Variants in ANK2 observed in about 807,000 individuals in gnomAD.
ANK2 encodes ankyrin-2.
ANK2 carries 83 observed loss-of-function variants against 360.5 expected under a neutral mutation model. That is an observed-to-expected ratio of 0.23 (90% CI 0.19 to 0.28). The LOEUF is 0.28. Among genes scored for constraint, ANK2 ranks in the 10% least tolerant of loss-of-function variants. The pLI is 1.00. For synonymous variants in ANK2, 1,740 were observed against 1,759.5 expected (o/e 0.99, Z 0.28); for missense variants, 4,201 against 4,795.7 (o/e 0.88, Z 3.66).
intron 23 of ANK2, among the ~76,000 whole-genome samples, chr4:113,310,214 G>C (rs529621974): frequency 6.6e-6 from 1 of 152,176 alleles, no homozygotes; most frequent in African/African-American, 2.4e-5. Context: ...CTTATTTTGA[G>C]TTGTATTTAT....
At chr4:112,712,407 T>TATATA in the ANK2 span, among the ~76,000 whole-genome samples, 11 of 42,804 alleles carry the variant, frequency 2.6e-4, no homozygotes, top group African/African-American at 6.5e-4. Context: ...TATATATATA[T>TATATA]TTTTTTTTTT....
rs531862251 is a variant in ANK2 at position 112,978,367 on chromosome 4, C to T, written c.21+73853C>T. Among the ~76,000 whole-genome samples, 19 of 152,248 alleles carry T rather than the reference C, an allele frequency of 1.2e-4. No individual in the cohort carries two copies. In the East Asian group the frequency reaches 3.7e-3, roughly 29 times the overall value. ...TAAGATATACTTAAAATAAAACTTC[C>T]TATAAGTGTACAGTGGATTAAGTAT... On this transcript the variant is annotated intron_variant, in intron 2 of 30. Transcript: ENST00000503271.
chr4:113,335,396 T>C (rs2093385226), intron 29 of ANK2, among the ~76,000 whole-genome samples: 1 of 152,184 alleles, frequency 6.6e-6, no homozygotes, highest in Non-Finnish European at 1.5e-5. Flanking sequence ...CAAAGGGCTA[T>C]GTTACTTCTT....
Position 112,967,006 on chromosome 4 carries a change from A to G in ANK2, c.21+62492A>G, listed in dbSNP as rs760075936. On this transcript the variant is annotated intron_variant, in intron 2 of 30. Transcript: ENST00000503271. ...ATAAGAGTGATTTTGGGGTGTCCTT[A>G]GGACACATTAAGCAGTTCAGAGTAG... 4.6e-5 allele frequency among the ~76,000 whole-genome samples: 7 copies of G among 152,200 alleles called. No individual in the cohort carries two copies. The South Asian group carries it at 6.2e-4, about 13-fold the overall frequency.
chr4:112,785,266 C>T, the ANK2 span, among the ~76,000 whole-genome samples: 1 of 152,086 alleles, frequency 6.6e-6, no homozygotes, highest in Non-Finnish European at 1.5e-5. Flanking sequence ...AATATGTGTG[C>T]CTCAGTTTGG....
the ANK2 span, among the ~76,000 whole-genome samples, chr4:112,804,088 G>A: frequency 3.3e-5 from 5 of 151,022 alleles, no homozygotes; most frequent in Admixed American, 1.3e-4. Context: ...GCGCGATCTC[G>A]GCTCACTGCA....
chr4:113,216,341 G>T (rs1207446181), intron 4 of ANK2, among the ~76,000 whole-genome samples: 1 of 152,204 alleles, frequency 6.6e-6, no homozygotes, highest in Non-Finnish European at 1.5e-5. Context: ...AGTTTATAAT[G>T]CCAGGAAGGG....
At chr4:112,964,442 G>A (rs1164573805) in intron 2 of ANK2, among the ~76,000 whole-genome samples, 1 of 151,574 alleles carries the variant, frequency 6.6e-6, no homozygotes, top group Admixed American at 6.6e-5. Context: ...TTGTCTTTCT[G>A]TGTATGACAT....
chr4:113,013,152 T>C (rs2055347155), intron 2 of ANK2, among the ~76,000 whole-genome samples: 1 of 152,174 alleles, frequency 6.6e-6, no homozygotes, highest in African/African-American at 2.4e-5. Context: ...TCCCATACTT[T>C]GGAAAGGAAT....
At chr4:113,150,617 G>A (rs1438881697) in intron 1 of ANK2, among the ~76,000 whole-genome samples, 1 of 152,156 alleles carries the variant, frequency 6.6e-6, no homozygotes, top group Non-Finnish European at 1.5e-5. Context: ...TTTGAATATT[G>A]TGTTCCCATG....
intron 2 of ANK2, among the ~76,000 whole-genome samples, chr4:113,041,646 G>A (rs1421121912): frequency 7.2e-5 from 11 of 152,124 alleles, no homozygotes; most frequent in Admixed American, 7.2e-4. Context: ...GGTTCACAAG[G>A]TATGTAATAA....
chr4:113,092,815 T>C (rs1381230502), intron 1 of ANK2, among the ~76,000 whole-genome samples: 1 of 152,210 alleles, frequency 6.6e-6, no homozygotes, highest in Non-Finnish European at 1.5e-5. Context: ...ATGGTTCTTT[T>C]AGTTATTTCT....
chr4:113,331,869 A>G (rs542101841), intron 27 of ANK2, 103 bp from the exon 28 acceptor site: 41 of 1,088,636 alleles, frequency 3.8e-5, no homozygotes, highest in Non-Finnish European at 5.4e-5. Context: ...TGTGAAACCA[A>G]AGTTCACCCT....
At chr4:112,713,027 T>A in the ANK2 span, among the ~76,000 whole-genome samples, 1 of 152,184 alleles carries the variant, frequency 6.6e-6, no homozygotes, top group Non-Finnish European at 1.5e-5. Context: ...TTCTCCTACC[T>A]TCAATTCCTG....
At position 113,363,423 on chromosome 4, in the gene ANK2, T is replaced by C. The variant is rs2096347392; in HGVS notation, c.10842T>C (p.His3614=). Residue 3614 remains histidine, a synonymous_variant, in exon 40 of 46, where the codon CAT becomes CAC. Coordinates refer to ENST00000357077, the MANE Select transcript of ANK2 (RefSeq NM_001148.6). The part of the protein sequence containing the change: ...ENPNSLQDQS[H]ALLKYWLERD... ...CCAACTCTCTTCAAGACCAGAGTCA[T>C]GCACTGTTGAAGTACTGGCTAGAGA... is the stretch of plus-strand genomic sequence containing the variant. 1.2e-5 allele frequency: 19 copies of C among 1,613,480 alleles called. No homozygotes were observed. The highest frequency in any genetic ancestry group is 4.5e-5 in the East Asian group (2 of 44,874).
the ANK2 span, among the ~76,000 whole-genome samples, chr4:112,787,456 A>G: frequency 3.9e-5 from 6 of 152,208 alleles, no homozygotes; most frequent in Non-Finnish European, 7.3e-5. Flanking sequence ...ATAAATACCC[A>G]GGACCCAGGC....
intron 20 of ANK2, among the ~76,000 whole-genome samples, chr4:113,289,760 T>A (rs1456980798): frequency 6.6e-6 from 1 of 152,244 alleles, no homozygotes; most frequent in Non-Finnish European, 1.5e-5. Context: ...TTTAAACTTA[T>A]AATCTTACTC....
intron 2 of ANK2, among the ~76,000 whole-genome samples, chr4:113,037,488 T>G (rs912896357): frequency 6.6e-6 from 1 of 151,990 alleles, no homozygotes; most frequent in African/African-American, 2.4e-5. Context: ...AGTTATTTTT[T>G]TGACACTTAT....
chr4:113,378,816 G>A (rs926943055), intron 45 of ANK2, among the ~76,000 whole-genome samples: 3 of 152,064 alleles, frequency 2.0e-5, no homozygotes, highest in African/African-American at 7.2e-5. Flanking sequence ...CTCTGTTATG[G>A]ATTTGATGTA....
Sources: allele counts gnomAD v4.1 joint callset (sites outside exome capture counted in the v4.1 genomes callset), GRCh38; gene constraint gnomAD v4.1.1; transcripts MANE v1.5; gene names NCBI Gene and HGNC (gene_info 2026-07-23, HGNC 2026-07-21).